The following ST8SIA6 variants were observed in gnomAD, a reference collection of about 807,000 sequenced individuals.
The protein encoded by ST8SIA6 is alpha-2,8-sialyltransferase 8F.
A neutral mutation model predicts 33.6 loss-of-function variants in ST8SIA6; 39 were observed. The observed-to-expected ratio is 1.16, with a 90% CI of 0.90 to 1.52. ST8SIA6 has a LOEUF of 1.52. Ranked by LOEUF, ST8SIA6 falls within the 40% of genes most tolerant of loss-of-function variation. ST8SIA6 has a pLI of 0.00. For missense variants in ST8SIA6, 441 were observed against 443.8 expected (o/e 0.99, Z 0.06); for synonymous variants, 172 against 167.2 (o/e 1.03, Z -0.22).
intron 2 of ST8SIA6, among the ~76,000 whole-genome samples, chr10:17,414,559 T>A (rs978785563): frequency 6.6e-6 from 1 of 152,290 alleles, no homozygotes; most frequent in Admixed American, 6.5e-5. Context: ...ACAACAGAAA[T>A]TTTTCATCTC....
chr10:17,413,293 C>A (rs1025418841), intron 2 of ST8SIA6: 1 of 145,714 alleles, frequency 6.9e-6, no homozygotes, highest in Non-Finnish European at 1.5e-5. Context: ...GCTTAACTTT[C>A]TATTTCTTTC....
rs117295634 is a variant in ST8SIA6 at position 17,395,058 on chromosome 10, G to A, written c.201-4438C>T. ...CACGTGTTGTGGGAAGGACCCTGTCGGAGATAATTGAATCACGGGGGGCAG... is the reference window on the plus strand; with the variant it reads ...CACGTGTTGTGGGAAGGACCCTGTCAGAGATAATTGAATCACGGGGGGCAG... On this transcript the variant is annotated intron_variant, in intron 2 of 7. Coordinates refer to ENST00000377602, the MANE Select transcript of ST8SIA6 (RefSeq NM_001004470.3). Among the ~76,000 whole-genome samples, 795 of 152,136 alleles carry A rather than the reference G, an allele frequency of 5.2e-3. 3 individuals are homozygous for A. Among genetic ancestry groups the A allele is most frequent in the Admixed American group, 0.013 (194 of 15,282 alleles).
intron 3 of ST8SIA6, among the ~76,000 whole-genome samples, chr10:17,362,748 G>A (rs993991106): frequency 6.6e-6 from 1 of 152,108 alleles, no homozygotes; most frequent in African/African-American, 2.4e-5. Flanking sequence ...GTCTCGCTTT[G>A]TTGCCCAGGC....
At position 17,359,506 on chromosome 10, in the gene ST8SIA6, A is replaced by T; in HGVS notation, c.377+8T>A. The T allele has an allele frequency of 6.3e-7, 1 of 1,581,050 alleles. No homozygotes were observed. The highest frequency in any genetic ancestry group is 8.6e-7 in the Non-Finnish European group (1 of 1,158,440). On this transcript the variant is annotated splice_region_variant and intron_variant, in intron 4 of 7. Transcript: ENST00000377602. Reference sequence around the variant, plus strand: ...TTAAAATCTCATATTATTTATGAAAAAAATTACCTAAAATTTGCATATTCT... The same window carrying T: ...TTAAAATCTCATATTATTTATGAAATAAATTACCTAAAATTTGCATATTCT...
At chr10:17,410,783 C>T (rs1359237594) in intron 2 of ST8SIA6, among the ~76,000 whole-genome samples, 1 of 152,174 alleles carries the variant, frequency 6.6e-6, no homozygotes, top group Non-Finnish European at 1.5e-5. Flanking sequence ...GGTTAACCTT[C>T]AGCTAATTAT....
chr10:17,437,734 CT>C (rs1852330256), intron 2 of ST8SIA6, among the ~76,000 whole-genome samples: 2 of 149,790 alleles, frequency 1.3e-5, no homozygotes, highest in African/African-American at 4.9e-5. Context: ...CCTTCCCTCC[CT>C]TTCTCTCTTT....
intron 3 of ST8SIA6, among the ~76,000 whole-genome samples, chr10:17,380,967 C>A (rs187547760): frequency 7.6e-4 from 107 of 141,556 alleles, no homozygotes; most frequent in African/African-American, 2.3e-3. Flanking sequence ...ATTTGAAAGG[C>A]CTTCATGTTT....
intron 3 of ST8SIA6, among the ~76,000 whole-genome samples, chr10:17,367,706 G>C (rs1849599251): frequency 6.6e-6 from 1 of 152,164 alleles, no homozygotes; most frequent in Non-Finnish European, 1.5e-5. Flanking sequence ...AGAATATTGA[G>C]AGATGAAAGT....
chr10:17,434,420 T>G (rs966664231), intron 2 of ST8SIA6, among the ~76,000 whole-genome samples: 1 of 152,196 alleles, frequency 6.6e-6, no homozygotes, highest in African/African-American at 2.4e-5. Flanking sequence ...AGCACAGGTT[T>G]CCTGCAGCAT....
chr10:17,421,517 G>C (rs1851780505), intron 2 of ST8SIA6, among the ~76,000 whole-genome samples: 1 of 152,174 alleles, frequency 6.6e-6, no homozygotes, highest in Admixed American at 6.5e-5. Context: ...CCCTGAATGA[G>C]TGAGATCTTA....
At chr10:17,375,971 G>A (rs1045694382) in intron 3 of ST8SIA6, among the ~76,000 whole-genome samples, 3 of 152,166 alleles carry the variant, frequency 2.0e-5, no homozygotes, top group Admixed American at 2.0e-4. Flanking sequence ...GACGCCTGGC[G>A]GATTACCACT....
intron 4 of ST8SIA6, among the ~76,000 whole-genome samples, chr10:17,356,903 A>G (rs897831527): frequency 6.6e-6 from 1 of 152,102 alleles, no homozygotes; most frequent in African/African-American, 2.4e-5. Context: ...TTTTTGTCCA[A>G]AAAAAAGAAA....
At chr10:17,388,344 C>T (rs747893739) in intron 3 of ST8SIA6, among the ~76,000 whole-genome samples, 2 of 152,108 alleles carry the variant, frequency 1.3e-5, no homozygotes, top group African/African-American at 4.8e-5. Context: ...AAGCAAATAT[C>T]GTTAGTCTAT....
chr10:17,360,171 C>A (rs1431015310), intron 3 of ST8SIA6, among the ~76,000 whole-genome samples: 1 of 152,052 alleles, frequency 6.6e-6, no homozygotes, highest in African/African-American at 2.4e-5. Flanking sequence ...GTAGATCTCT[C>A]CCTGTCTGAA....
chr10:17,416,098 G>C lies in ST8SIA6; in HGVS notation c.201-25478C>G, dbSNP rs190356852. ...GCTGGGATTACAGAGGTGAGCCACT[G>C]TACTGGGCCGCACTTATCTTACTTG... is the stretch of plus-strand genomic sequence containing the variant. On this transcript the variant is annotated intron_variant, in intron 2 of 7. Coordinates refer to ENST00000377602, the MANE Select transcript of ST8SIA6 (RefSeq NM_001004470.3). 7.6e-4 allele frequency among the ~76,000 whole-genome samples: 115 copies of C among 152,168 alleles called. 1 individual carries two copies. Among genetic ancestry groups the C allele is most frequent in the African/African-American group, 2.7e-3 (113 of 41,526 alleles).
At chr10:17,351,924 G>A (rs1849042456) in intron 4 of ST8SIA6, among the ~76,000 whole-genome samples, 1 of 152,054 alleles carries the variant, frequency 6.6e-6, no homozygotes, top group Admixed American at 6.6e-5. Context: ...AGGGTACAAA[G>A]TTTCAGTTGG....
chr10:17,387,973 G>C (rs1328976271), intron 3 of ST8SIA6, among the ~76,000 whole-genome samples: 1 of 152,210 alleles, frequency 6.6e-6, no homozygotes, highest in Non-Finnish European at 1.5e-5. Flanking sequence ...GTGTCGACCT[G>C]ACTGGGCTCA....
chr10:17,409,164 T>C (rs756237479), intron 2 of ST8SIA6, among the ~76,000 whole-genome samples: 1 of 152,208 alleles, frequency 6.6e-6, no homozygotes, highest in Non-Finnish European at 1.5e-5. Flanking sequence ...AGATGGCTAT[T>C]AGGTGCTGTA....
At chr10:17,388,485 C>G (rs1247167120) in intron 3 of ST8SIA6, among the ~76,000 whole-genome samples, 1 of 152,122 alleles carries the variant, frequency 6.6e-6, no homozygotes, top group Non-Finnish European at 1.5e-5. Context: ...AACACTATTT[C>G]TAACATTAAA....
Sources: allele counts gnomAD v4.1 joint callset (sites outside exome capture counted in the v4.1 genomes callset), GRCh38; gene constraint gnomAD v4.1.1; transcripts MANE v1.5; gene names NCBI Gene and HGNC (gene_info 2026-07-23, HGNC 2026-07-21).